Variants in FHOD3 observed in about 807,000 individuals in gnomAD.
FHOD3 encodes the protein FH1/FH2 domain-containing protein 3.
FHOD3 carries 90 observed loss-of-function variants against 173.0 expected under a neutral mutation model. That is an observed-to-expected ratio of 0.52 (90% CI 0.44 to 0.62). FHOD3 has a LOEUF of 0.62. Among genes scored for constraint, FHOD3 ranks in the 20% least tolerant of loss-of-function variants. The pLI is 0.00. For synonymous variants in FHOD3, 828 were observed against 823.0 expected (o/e 1.01, Z -0.10); for missense variants, 1,945 against 2,034.7 (o/e 0.96, Z 0.85).
At chr18:36,663,542 C>T (rs1301366412) in intron 14 of FHOD3, among the ~76,000 whole-genome samples, 1 of 152,200 alleles carries the variant, frequency 6.6e-6, no homozygotes, top group Non-Finnish European at 1.5e-5. Context: ...TGTACAGTGA[C>T]TGACAGTGCT....
intron 27 of FHOD3, among the ~76,000 whole-genome samples, chr18:36,768,413 G>T (rs1170708925): frequency 6.6e-6 from 1 of 152,180 alleles, no homozygotes; most frequent in Admixed American, 6.5e-5. Context: ...GTATTTGCAG[G>T]ATGCGAAGCC....
At chr18:36,489,480 C>T (rs987670089) in intron 3 of FHOD3, among the ~76,000 whole-genome samples, 4 of 152,050 alleles carry the variant, frequency 2.6e-5, no homozygotes, top group African/African-American at 9.7e-5. Context: ...TGAGAGCAGC[C>T]TGGCAACGTA....
At chr18:36,691,031 C>G (rs2038931632) in intron 16 of FHOD3, among the ~76,000 whole-genome samples, 1 of 152,166 alleles carries the variant, frequency 6.6e-6, no homozygotes, top group Admixed American at 6.5e-5. Flanking sequence ...ATCTGTGAGG[C>G]CAAAGGGTAC....
chr18:36,387,007 G>A (rs947764187), intron 3 of FHOD3, among the ~76,000 whole-genome samples: 4 of 152,124 alleles, frequency 2.6e-5, no homozygotes, highest in African/African-American at 9.7e-5. Context: ...AGTTCTTAAG[G>A]CAGCCTTCCT....
chr18:36,684,262 A>T (rs1370183457), intron 15 of FHOD3, among the ~76,000 whole-genome samples: 1 of 152,250 alleles, frequency 6.6e-6, no homozygotes, highest in South Asian at 2.1e-4. Flanking sequence ...TAGAATTTAA[A>T]TAAGACCTCA....
intron 5 of FHOD3, among the ~76,000 whole-genome samples, chr18:36,538,721 AT>A (rs1309524515): frequency 6.6e-6 from 1 of 152,206 alleles, no homozygotes; most frequent in Non-Finnish European, 1.5e-5. Context: ...GAGCAACAGT[AT>A]TATAGAGGTG....
chr18:36,489,772 A>C (rs1305414844), intron 3 of FHOD3, among the ~76,000 whole-genome samples: 1 of 152,240 alleles, frequency 6.6e-6, no homozygotes, highest in Non-Finnish European at 1.5e-5. Flanking sequence ...AAATTAAGAA[A>C]AAGAATTATG....
intron 3 of FHOD3, among the ~76,000 whole-genome samples, chr18:36,481,113 C>T (rs2053868183): frequency 1.4e-5 from 2 of 143,414 alleles, no homozygotes; most frequent in African/African-American, 5.5e-5. Context: ...GGAAATAAAC[C>T]TTAATTTCCC....
intron 23 of FHOD3, among the ~76,000 whole-genome samples, chr18:36,744,662 C>T (rs2042064358): frequency 6.6e-6 from 1 of 152,202 alleles, no homozygotes; most frequent in South Asian, 2.1e-4. Context: ...ATGATCTTGC[C>T]CAGAGGGAAC....
intron 8 of FHOD3, among the ~76,000 whole-genome samples, chr18:36,604,162 C>T (rs1262452564): frequency 1.3e-5 from 2 of 152,162 alleles, no homozygotes; most frequent in African/African-American, 4.8e-5. Flanking sequence ...ATCGACATGC[C>T]TTAGAGCACA....
chr18:36,361,212 G>T (rs1447822267), intron 2 of FHOD3, among the ~76,000 whole-genome samples: 1 of 148,176 alleles, frequency 6.7e-6, no homozygotes, highest in Non-Finnish European at 1.5e-5. Flanking sequence ...TTCTGCCCCT[G>T]CTCTCAGTGG....
intron 5 of FHOD3, among the ~76,000 whole-genome samples, chr18:36,557,311 CTATT>C (rs2057927151): frequency 6.6e-6 from 1 of 151,992 alleles, no homozygotes; most frequent in Non-Finnish European, 1.5e-5. Flanking sequence ...TTTACCGATG[CTATT>C]TATTTTAAAT....
chr18:36,383,335 G>C (rs1189679322), intron 3 of FHOD3, among the ~76,000 whole-genome samples: 1 of 152,198 alleles, frequency 6.6e-6, no homozygotes, highest in African/African-American at 2.4e-5. Context: ...AGTTCTCAGG[G>C]TGCTGTGCTG....
intron 3 of FHOD3, among the ~76,000 whole-genome samples, chr18:36,461,780 G>A (rs2052571914): frequency 6.6e-6 from 1 of 152,118 alleles, no homozygotes; most frequent in African/African-American, 2.4e-5. Flanking sequence ...GGTTCTGCCT[G>A]TCTGTTGGGT....
chr18:36,608,338 G>A (rs1301950216), intron 8 of FHOD3, among the ~76,000 whole-genome samples: 2 of 152,210 alleles, frequency 1.3e-5, no homozygotes, highest in Non-Finnish European at 2.9e-5. Context: ...AGGTTGTAGG[G>A]AAGATAAGAT....
intron 3 of FHOD3, among the ~76,000 whole-genome samples, chr18:36,403,749 G>T (rs534569020): frequency 6.6e-6 from 1 of 152,226 alleles, no homozygotes; most frequent in Non-Finnish European, 1.5e-5. Context: ...GGGAATATTC[G>T]TAACTGTATT....
At chr18:36,670,092 A>T (rs1447823462) in intron 14 of FHOD3, among the ~76,000 whole-genome samples, 3 of 151,912 alleles carry the variant, frequency 2.0e-5, no homozygotes, top group Non-Finnish European at 4.4e-5. Flanking sequence ...GTTTTTGATG[A>T]TAAATCTTCT....
At chr18:36,621,708 C>T (rs1263158825) in intron 9 of FHOD3, among the ~76,000 whole-genome samples, 2 of 152,204 alleles carry the variant, frequency 1.3e-5, no homozygotes, top group African/African-American at 4.8e-5. Context: ...GGGTGATGAG[C>T]ACATCACAGT....
intron 17 of FHOD3, among the ~76,000 whole-genome samples, chr18:36,706,285 T>C (rs2039874527): frequency 6.6e-6 from 1 of 152,186 alleles, no homozygotes; most frequent in Non-Finnish European, 1.5e-5. Context: ...GTGACAGTTA[T>C]TTAATTTGTT....
Sources: allele counts gnomAD v4.1 joint callset (sites outside exome capture counted in the v4.1 genomes callset), GRCh38; gene constraint gnomAD v4.1.1; transcripts MANE v1.5; gene names NCBI Gene and HGNC (gene_info 2026-07-23, HGNC 2026-07-21).